NRXN1: variants seen among roughly 807,000 people sequenced by gnomAD.
NRXN1 encodes neurexin 1, also known as neurexin-1.
NRXN1 carries 39 observed loss-of-function variants against 150.9 expected under a neutral mutation model. The observed-to-expected ratio is 0.26, with a 90% CI of 0.20 to 0.34. The LOEUF is 0.34. NRXN1 is among the 10% of genes least tolerant of loss of function. The pLI is 1.00. For missense variants in NRXN1, 1,815 were observed against 1,949.9 expected (o/e 0.93, Z 1.30); for synonymous variants, 924 against 757.0 (o/e 1.22, Z -3.62).
intron 17 of NRXN1, among the ~76,000 whole-genome samples, chr2:50,440,222 G>A (rs370181735): frequency 1.3e-5 from 2 of 152,082 alleles, no homozygotes; most frequent in East Asian, 3.9e-4. Context: ...TGATTAGAAA[G>A]GGGGAAGGAA....
At chr2:50,073,842 C>A (rs1056986403) in intron 19 of NRXN1, among the ~76,000 whole-genome samples, 16 of 152,048 alleles carry the variant, frequency 1.1e-4, no homozygotes, top group Non-Finnish European at 2.1e-4. Context: ...TAAATGAGTG[C>A]ACTATTAGTT....
At chr2:50,437,094 C>A (rs1020868221) in intron 17 of NRXN1, among the ~76,000 whole-genome samples, 16 of 152,308 alleles carry the variant, frequency 1.1e-4, no homozygotes, top group African/African-American at 3.1e-4. Flanking sequence ...CACAAGCACA[C>A]CTACTTTCAA....
intron 2 of NRXN1, among the ~76,000 whole-genome samples, chr2:50,963,226 G>A (rs989443512): frequency 1.3e-5 from 2 of 151,508 alleles, no homozygotes; most frequent in Non-Finnish European, 3.0e-5. Flanking sequence ...TGCCTATTAA[G>A]ATTGTTCTGA....
chr2:50,929,184 A>G (rs1687363607), intron 2 of NRXN1, among the ~76,000 whole-genome samples: 1 of 152,100 alleles, frequency 6.6e-6, no homozygotes, highest in South Asian at 2.1e-4. Context: ...ACTTTAGTTT[A>G]TCATTCCAGT....
At chr2:50,969,662 T>C (rs193132603) in intron 2 of NRXN1, among the ~76,000 whole-genome samples, 3 of 152,286 alleles carry the variant, frequency 2.0e-5, no homozygotes, top group African/African-American at 7.2e-5. Context: ...AATCAGTACA[T>C]ATATCTAAAT....
intron 17 of NRXN1, among the ~76,000 whole-genome samples, chr2:50,438,656 A>G (rs150727837): frequency 8.5e-5 from 13 of 152,198 alleles, no homozygotes; most frequent in African/African-American, 2.9e-4. Context: ...GATTCAAATT[A>G]TAGGATGAAA....
chr2:50,156,820 A>G (rs2059048999), intron 18 of NRXN1, among the ~76,000 whole-genome samples: 1 of 151,988 alleles, frequency 6.6e-6, no homozygotes, highest in African/African-American at 2.4e-5. Context: ...CAGTACTGCT[A>G]TTGGTTTGAA....
chr2:50,371,144 G>T (rs1221606514), intron 17 of NRXN1, among the ~76,000 whole-genome samples: 1 of 151,934 alleles, frequency 6.6e-6, no homozygotes, highest in Admixed American at 6.6e-5. Flanking sequence ...GCTGTAAAAT[G>T]GACTCACCCT....
At chr2:50,951,973 T>A (rs1691433697) in intron 2 of NRXN1, among the ~76,000 whole-genome samples, 2 of 135,406 alleles carry the variant, frequency 1.5e-5, no homozygotes, top group East Asian at 4.3e-4. Flanking sequence ...ATTTTTTTTT[T>A]TTTTTTTTTT....
chr2:50,521,236 A>G (rs973515407), intron 12 of NRXN1, among the ~76,000 whole-genome samples: 8 of 152,210 alleles, frequency 5.3e-5, no homozygotes, highest in Non-Finnish European at 1.2e-4. Context: ...AATTTTAACC[A>G]TAACATTTAT....
At chr2:49,956,707 A>G (rs1429749467) in intron 21 of NRXN1, among the ~76,000 whole-genome samples, 2 of 152,176 alleles carry the variant, frequency 1.3e-5, no homozygotes, top group South Asian at 2.1e-4. Flanking sequence ...ATATGATTCC[A>G]TAAGTCAAAG....
intron 13 of NRXN1, among the ~76,000 whole-genome samples, chr2:50,502,551 G>A (rs1191577759): frequency 1.3e-5 from 2 of 151,890 alleles, no homozygotes; most frequent in Non-Finnish European, 1.5e-5. Context: ...TATAAGAAGT[G>A]GTACGGGAAA....
intron 17 of NRXN1, among the ~76,000 whole-genome samples, chr2:50,408,837 A>ATCTCAATCTCTC (rs1491316519): frequency 1.5e-5 from 2 of 136,534 alleles, no homozygotes; most frequent in East Asian, 2.2e-4. Context: ...ATCAATCTCA[A>ATCTCAATCTCTC]TCTCTCTCTC....
intron 21 of NRXN1, among the ~76,000 whole-genome samples, chr2:50,027,379 T>TCCC (rs1324195622): frequency 1.0e-5 from 1 of 97,074 alleles, no homozygotes; most frequent in African/African-American, 3.9e-5. Context: ...CCTTCCTTCC[T>TCCC]TCCTCCCTCC....
intron 10 of NRXN1, among the ~76,000 whole-genome samples, chr2:50,537,223 C>G (rs1186876461): frequency 6.6e-6 from 1 of 152,010 alleles, no homozygotes; most frequent in Non-Finnish European, 1.5e-5. Flanking sequence ...ATATTCATAG[C>G]TTAAAAATAG....
intron 18 of NRXN1, among the ~76,000 whole-genome samples, chr2:50,176,544 C>T (rs898376724): frequency 2.6e-5 from 4 of 151,930 alleles, no homozygotes; most frequent in Non-Finnish European, 5.9e-5. Context: ...TCAAATATAC[C>T]CTGGGAGCAA....
At chr2:51,001,237 G>GGGGGT (rs1700029107) in intron 2 of NRXN1, among the ~76,000 whole-genome samples, 2 of 112,094 alleles carry the variant, frequency 1.8e-5, no homozygotes, top group African/African-American at 7.1e-5. Flanking sequence ...ATGGGGTTGG[G>GGGGGT]GGGGGGGGGC....
chr2:50,504,140 T>TAAAAAAAA (rs70948715), intron 13 of NRXN1, among the ~76,000 whole-genome samples: 20 of 112,384 alleles, frequency 1.8e-4, no homozygotes, highest in South Asian at 3.0e-4. Flanking sequence ...ACATGACAAC[T>TAAAAAAAA]AAAAAAAAAA....
At chr2:50,388,373 C>A (rs578206905) in intron 17 of NRXN1, among the ~76,000 whole-genome samples, 153 of 152,236 alleles carry the variant, frequency 1.0e-3, no homozygotes, top group African/African-American at 3.6e-3. Context: ...CTTTGACGAT[C>A]TTCTAGAGGT....
Sources: gnomAD v4.1 joint callset for allele counts (sites outside exome capture counted in the v4.1 genomes callset) on GRCh38, gnomAD v4.1.1 for gene constraint, MANE v1.5 for transcripts, NCBI Gene and HGNC (gene_info 2026-07-23, HGNC 2026-07-21) for gene names.